The following FAM149B1 variants were observed in gnomAD, a reference collection of about 807,000 sequenced individuals.
FAM149B1 encodes the protein primary cilium assembly protein FAM149B1.
Under a neutral mutation model 75.3 loss-of-function variants are expected in FAM149B1, and 56 were observed. The ratio of observed to expected loss-of-function variants is 0.74; its 90% confidence interval spans 0.60 to 0.93. The LOEUF (loss-of-function observed/expected upper bound fraction) is 0.93. Ranked by LOEUF, FAM149B1 falls within the 40% of genes least tolerant of loss-of-function variation. FAM149B1 has a pLI of 0.00. For synonymous variants in FAM149B1, 259 were observed against 256.1 expected (o/e 1.01, Z -0.11); for missense variants, 639 against 708.4 (o/e 0.90, Z 1.11).
At chr10:73,187,294 A>G (rs2042550416) in intron 3 of FAM149B1, among the ~76,000 whole-genome samples, 1 of 151,666 alleles carries the variant, frequency 6.6e-6, no homozygotes, top group Admixed American at 6.6e-5. Context: ...TAATCTATAT[A>G]TCAGTGCACT....
At chr10:73,194,106 G>A (rs1465088733) in intron 5 of FAM149B1, among the ~76,000 whole-genome samples, 3 of 152,104 alleles carry the variant, frequency 2.0e-5, no homozygotes, top group South Asian at 2.1e-4. Flanking sequence ...CAGAACTCCC[G>A]TGATCCAATT....
intron 12 of FAM149B1, among the ~76,000 whole-genome samples, chr10:73,235,782 C>T (rs1409232131): frequency 1.3e-5 from 2 of 152,178 alleles, no homozygotes; most frequent in East Asian, 3.8e-4. Context: ...GCAATCCTGC[C>T]TTAGCCTCCC....
chr10:73,178,489 C>CAAA (rs10646694), intron 3 of FAM149B1, among the ~76,000 whole-genome samples: 6,740 of 135,904 alleles, frequency 0.05, 479 homozygotes, highest in African/African-American at 0.16. Context: ...GAAACTGTCT[C>CAAA]AAAAAAAAAA....
intron 1 of FAM149B1, among the ~76,000 whole-genome samples, chr10:73,172,456 G>T (rs972331614): frequency 1.3e-5 from 2 of 152,166 alleles, no homozygotes; most frequent in African/African-American, 4.8e-5. Context: ...CCTTAAGCAG[G>T]TTACTTAATC....
chr10:73,201,445 G>A (rs1688207908), intron 5 of FAM149B1, among the ~76,000 whole-genome samples: 1 of 152,168 alleles, frequency 6.6e-6, no homozygotes, highest in African/African-American at 2.4e-5. Context: ...TGTTAGGATA[G>A]GTATAAAAGA....
intron 9 of FAM149B1, among the ~76,000 whole-genome samples, chr10:73,232,304 A>G (rs1283236634): frequency 6.6e-6 from 1 of 152,164 alleles, no homozygotes; most frequent in Non-Finnish European, 1.5e-5. Flanking sequence ...TTATTGGACG[A>G]CTTACAGAAA....
At chr10:73,178,104 G>GT in intron 3 of FAM149B1, 129 bp downstream of exon 3, 2 of 980,172 alleles carry the variant, frequency 2.0e-6, no homozygotes, top group Non-Finnish European at 2.9e-6. Flanking sequence ...CATAATAACT[G>GT]TAAAGAAGTA....
chr10:73,181,241 C>A (rs188580799), intron 3 of FAM149B1, among the ~76,000 whole-genome samples: 17 of 152,184 alleles, frequency 1.1e-4, no homozygotes, highest in African/African-American at 3.9e-4. Context: ...GATCTCCTGA[C>A]CTCATGATCC....
intron 9 of FAM149B1, 176 bp downstream of exon 9, chr10:73,230,701 A>G (rs1324406193): frequency 1.5e-5 from 8 of 549,846 alleles, no homozygotes; most frequent in Non-Finnish European, 2.3e-5. Flanking sequence ...ATGTAACTGG[A>G]AAGAGAAGAC....
chr10:73,239,198 G>A, intron 12 of FAM149B1, 114 bp from the exon 13 acceptor site: 1 of 802,258 alleles, frequency 1.2e-6, no homozygotes. Context: ...CCCTCAAGTT[G>A]GTAGTCTATG....
chr10:73,227,987 ATCT>A, intron 7 of FAM149B1, 70 bp from the exon 8 acceptor site: 1 of 1,410,104 alleles, frequency 7.1e-7, no homozygotes, highest in Non-Finnish European at 9.8e-7. Context: ...CTCAGGAGAG[ATCT>A]TTTTTCACAA....
intron 3 of FAM149B1, among the ~76,000 whole-genome samples, chr10:73,178,489 CAA>C (rs10646694): frequency 7.4e-6 from 1 of 135,908 alleles, no homozygotes. Flanking sequence ...GAAACTGTCT[CAA>C]AAAAAAAAAA....
At chr10:73,209,158 G>A (rs1253899422) in intron 6 of FAM149B1, among the ~76,000 whole-genome samples, 1 of 152,156 alleles carries the variant, frequency 6.6e-6, no homozygotes, top group Admixed American at 6.6e-5. Context: ...TTTGAAAAAT[G>A]TATATACAGG....
At chr10:73,198,015 TA>T (rs1589155091) in intron 5 of FAM149B1, among the ~76,000 whole-genome samples, 1 of 152,200 alleles carries the variant, frequency 6.6e-6, no homozygotes, top group African/African-American at 2.4e-5. Flanking sequence ...TATAACCCTT[TA>T]AAAATCATTA....
intron 3 of FAM149B1, among the ~76,000 whole-genome samples, chr10:73,188,743 AAGG>A (rs1193066948): frequency 2.3e-5 from 3 of 131,898 alleles, no homozygotes; most frequent in African/African-American, 5.8e-5. Context: ...GAAAAAAAAA[AAGG>A]AAGGAAGGAG....
At chr10:73,189,084 T>C (rs1274490923) in intron 3 of FAM149B1, among the ~76,000 whole-genome samples, 3 of 151,928 alleles carry the variant, frequency 2.0e-5, no homozygotes, top group Admixed American at 2.0e-4. Context: ...GCAAAAGACT[T>C]GAAAAGACAT....
At chr10:73,220,504 A>C (rs2043387480) in intron 7 of FAM149B1, among the ~76,000 whole-genome samples, 1 of 152,212 alleles carries the variant, frequency 6.6e-6, no homozygotes, top group South Asian at 2.1e-4. Flanking sequence ...TAATAGCTGG[A>C]AACAACCCAA....
chr10:73,197,378 A>ATGG (rs1216724048), intron 5 of FAM149B1, among the ~76,000 whole-genome samples: 4 of 152,236 alleles, frequency 2.6e-5, no homozygotes, highest in Non-Finnish European at 1.5e-5. Flanking sequence ...GAATTAATGT[A>ATGG]TGCATTGAAA....
At chr10:73,194,968 G>T (rs1334132632) in intron 5 of FAM149B1, among the ~76,000 whole-genome samples, 1 of 152,152 alleles carries the variant, frequency 6.6e-6, no homozygotes, top group Non-Finnish European at 1.5e-5. Context: ...ACAGGTGTGA[G>T]CCACCACGCC....
Sources: gnomAD v4.1 joint callset for allele counts (sites outside exome capture counted in the v4.1 genomes callset) on GRCh38, gnomAD v4.1.1 for gene constraint, MANE v1.5 for transcripts, NCBI Gene and HGNC (gene_info 2026-07-23, HGNC 2026-07-21) for gene names.